SLC24A2: variants seen among roughly 807,000 people sequenced by gnomAD.
The protein encoded by SLC24A2 is solute carrier family 24 member 2, also known as sodium/potassium/calcium exchanger 2.
A neutral mutation model predicts 62.0 loss-of-function variants in SLC24A2; 36 were observed. The ratio of observed to expected loss-of-function variants is 0.58; its 90% CI spans 0.44 to 0.77. SLC24A2 has a LOEUF of 0.77. Ranked by LOEUF, SLC24A2 falls within the 30% of genes least tolerant of loss-of-function variation. The pLI is 0.00. For synonymous variants in SLC24A2, 358 were observed against 294.0 expected, an observed-to-expected ratio of 1.22 and a Z score of -2.23; for missense variants, 846 against 817.9, an observed-to-expected ratio of 1.03 and a Z score of -0.42.
chr9:20,041,064 G>C, the SLC24A2 span, among the ~76,000 whole-genome samples: 1 of 152,328 alleles, frequency 6.6e-6, no homozygotes, highest in Non-Finnish European at 1.5e-5. Context: ...TTCTTTTAAA[G>C]AAGCAATGTC....
chr9:20,012,786 C>T, the SLC24A2 span, among the ~76,000 whole-genome samples: 9 of 151,902 alleles, frequency 5.9e-5, no homozygotes, highest in Non-Finnish European at 1.3e-4. Context: ...ATTCTTTATA[C>T]TTTATTTCCA....
chr9:20,093,092 A>G, the SLC24A2 span, among the ~76,000 whole-genome samples: 2 of 149,648 alleles, frequency 1.3e-5, no homozygotes, highest in Admixed American at 1.3e-4. Context: ...TTTTTTTTAG[A>G]CCGAGTTTCG....
intron 5 of SLC24A2, among the ~76,000 whole-genome samples, chr9:19,581,415 G>C (rs990759161): frequency 3.9e-5 from 6 of 152,132 alleles, no homozygotes; most frequent in African/African-American, 1.4e-4. Flanking sequence ...TTGCTCAAAA[G>C]AACCTCATGA....
chr9:19,647,068 G>GCACA (rs142480390), intron 2 of SLC24A2, among the ~76,000 whole-genome samples: 2,291 of 79,974 alleles, frequency 0.029, 34 homozygotes, highest in East Asian at 0.11. Context: ...ACACACGCGC[G>GCACA]CACACACACA....
chr9:20,305,161 T>C, the SLC24A2 span, among the ~76,000 whole-genome samples: 4 of 148,396 alleles, frequency 2.7e-5, no homozygotes, highest in Non-Finnish European at 4.4e-5. Context: ...CACGCTGGAG[T>C]GCAGTGGCAC....
At chr9:20,144,664 A>G in the SLC24A2 span, among the ~76,000 whole-genome samples, 1 of 152,148 alleles carries the variant, frequency 6.6e-6, no homozygotes, top group East Asian at 1.9e-4. Context: ...GGGGGACCAC[A>G]TTCCTGGTCC....
the SLC24A2 span, among the ~76,000 whole-genome samples, chr9:20,042,746 C>T: frequency 2.0e-5 from 3 of 152,306 alleles, no homozygotes; most frequent in Non-Finnish European, 4.4e-5. Flanking sequence ...ATTTTTCCAA[C>T]AGCATGTGCT....
chr9:19,771,163 T>A (rs1038658667), intron 2 of SLC24A2, among the ~76,000 whole-genome samples: 1 of 152,192 alleles, frequency 6.6e-6, no homozygotes, highest in Admixed American at 6.5e-5. Flanking sequence ...CAATAACACT[T>A]ACTTGGGGCT....
chr9:19,981,048 C>G, the SLC24A2 span, among the ~76,000 whole-genome samples: 21 of 151,966 alleles, frequency 1.4e-4, no homozygotes, highest in Non-Finnish European at 2.8e-4. Flanking sequence ...CACCTTGGAG[C>G]AATAAAAAGA....
intron 7 of SLC24A2, among the ~76,000 whole-genome samples, chr9:19,557,511 C>T (rs115978021): frequency 0.013 from 1,988 of 152,296 alleles, 51 homozygotes; most frequent in African/African-American, 0.046. Context: ...GAAACGTGAC[C>T]TTTAATCATC....
intron 2 of SLC24A2, among the ~76,000 whole-genome samples, chr9:19,780,025 T>G (rs973377752): frequency 6.6e-6 from 1 of 151,968 alleles, no homozygotes; most frequent in Non-Finnish European, 1.5e-5. Flanking sequence ...ATCGCACCAC[T>G]GCACTCCAGC....
chr9:20,175,838 T>C, the SLC24A2 span, among the ~76,000 whole-genome samples: 40 of 152,054 alleles, frequency 2.6e-4, 1 homozygote, highest in African/African-American at 9.4e-4. Context: ...AGATCTGTTA[T>C]TAGATAAATA....
chr9:19,994,688 A>G, the SLC24A2 span, among the ~76,000 whole-genome samples: 1 of 152,172 alleles, frequency 6.6e-6, no homozygotes, highest in Non-Finnish European at 1.5e-5. Flanking sequence ...GGGCCTCTGC[A>G]TATGTGAGGA....
chr9:19,619,542 T>C, intron 4 of SLC24A2, 42 bp downstream of exon 4: 3 of 1,467,428 alleles, frequency 2.0e-6, no homozygotes, highest in East Asian at 2.3e-5. Context: ...TTGGCATCCT[T>C]TTCCCCCCAA....
the SLC24A2 span, among the ~76,000 whole-genome samples, chr9:19,983,242 T>C: frequency 1.2e-4 from 19 of 152,270 alleles, no homozygotes; most frequent in African/African-American, 4.1e-4. Context: ...GATGACATGT[T>C]CCTATTTATA....
At chr9:19,894,264 G>C in the SLC24A2 span, among the ~76,000 whole-genome samples, 2 of 152,202 alleles carry the variant, frequency 1.3e-5, no homozygotes, top group Non-Finnish European at 2.9e-5. Context: ...AGGAGGCAGA[G>C]TGCCAAAGAT....
chr9:20,030,407 T>A, the SLC24A2 span, among the ~76,000 whole-genome samples: 1 of 152,124 alleles, frequency 6.6e-6, no homozygotes, highest in South Asian at 2.1e-4. Context: ...ACCGAGCTCC[T>A]CCTGTACAAC....
chr9:19,891,511 G>A, the SLC24A2 span, among the ~76,000 whole-genome samples: 46,029 of 151,944 alleles, frequency 0.3, 7,885 homozygotes, highest in Non-Finnish European at 0.39. Context: ...TGTGGTAGAC[G>A]GTGAAGGGGG....
chr9:20,190,032 TG>T, the SLC24A2 span, among the ~76,000 whole-genome samples: 6 of 152,126 alleles, frequency 3.9e-5, no homozygotes, highest in African/African-American at 7.2e-5. Context: ...GGCACCCCAC[TG>T]GGAAGCCATG....
Sources: gnomAD v4.1 joint callset for allele counts (sites outside exome capture counted in the v4.1 genomes callset) on GRCh38, gnomAD v4.1.1 for gene constraint, MANE v1.5 for transcripts, NCBI Gene and HGNC (gene_info 2026-07-23, HGNC 2026-07-21) for gene names.